Variants in SORCS1 observed in about 807,000 individuals in gnomAD.
SORCS1 encodes the protein VPS10 domain-containing receptor SorCS1.
A neutral mutation model predicts 146.1 loss-of-function variants in SORCS1; 60 were observed. That is an observed-to-expected ratio of 0.41 (90% CI 0.33 to 0.51). SORCS1 has a LOEUF of 0.51. SORCS1 is among the 20% of genes least tolerant of loss of function. The pLI, the probability that SORCS1 is intolerant of heterozygous loss-of-function variation, is 0.21. For missense variants in SORCS1, 1,352 were observed against 1,487.6 expected, an observed-to-expected ratio of 0.91 and a Z score of 1.50; for synonymous variants, 637 against 584.0, an observed-to-expected ratio of 1.09 and a Z score of -1.31.
At chr10:106,751,422 G>C (rs940481236) in intron 5 of SORCS1, among the ~76,000 whole-genome samples, 3 of 152,328 alleles carry the variant, frequency 2.0e-5, no homozygotes, top group Middle Eastern at 6.8e-3. Context: ...GGCTTTCTGA[G>C]TTCTTCTCCT....
chr10:107,023,567 C>A (rs1958249408), intron 1 of SORCS1, among the ~76,000 whole-genome samples: 1 of 152,032 alleles, frequency 6.6e-6, no homozygotes, highest in Non-Finnish European at 1.5e-5. Flanking sequence ...AACACAAATT[C>A]AAACTAATAA....
At chr10:107,173,952 A>G in the SORCS1 span, among the ~76,000 whole-genome samples, 2 of 152,184 alleles carry the variant, frequency 1.3e-5, no homozygotes, top group Admixed American at 6.5e-5. Flanking sequence ...ACATCATAAT[A>G]CATCATAAAA....
intron 1 of SORCS1, among the ~76,000 whole-genome samples, chr10:107,044,512 TAAAAAAAAAAA>T (rs59253149): frequency 4.1e-5 from 3 of 74,058 alleles, no homozygotes; most frequent in South Asian, 6.1e-4. Flanking sequence ...TTCTAATTTG[TAAAAAAAAAAA>T]AAAAAAAAAA....
At chr10:106,857,309 G>C (rs1949826147) in intron 2 of SORCS1, among the ~76,000 whole-genome samples, 1 of 152,166 alleles carries the variant, frequency 6.6e-6, no homozygotes, top group South Asian at 2.1e-4. Context: ...CCCACAGACG[G>C]AAGATGCCTT....
chr10:106,609,739 G>A (rs539597877), intron 22 of SORCS1, among the ~76,000 whole-genome samples: 4 of 152,310 alleles, frequency 2.6e-5, no homozygotes, highest in Non-Finnish European at 5.9e-5. Flanking sequence ...AAATCCTGAT[G>A]AGCAGTAATT....
intron 22 of SORCS1, among the ~76,000 whole-genome samples, chr10:106,610,902 C>A (rs10786959): frequency 0.69 from 105,358 of 151,956 alleles, 38,869 homozygotes; most frequent in Non-Finnish European, 0.82. Flanking sequence ...AACATGGTGA[C>A]ACCCGTCTCT....
chr10:106,737,391 A>C (rs2136074740), intron 5 of SORCS1, among the ~76,000 whole-genome samples: 1 of 151,484 alleles, frequency 6.6e-6, no homozygotes, highest in Middle Eastern at 3.4e-3. Flanking sequence ...TTATTTCCCC[A>C]CTTTTATGCC....
rs140239621 is a variant in SORCS1, at chr10:106,734,895, C to A, written c.960-4781G>T. ...TGGTATTAAAAAACTCTTGACCAGG[C>A]GTGGTGGCTCACACCTATAATCCGA... is the stretch of plus-strand genomic sequence containing the variant. On this transcript the variant is annotated intron_variant, in intron 5 of 25. Transcript: ENST00000263054. Among the ~76,000 whole-genome samples the A allele has an allele frequency of 5.9e-5, 9 of 152,126 alleles. No individual in the cohort carries two copies. In the East Asian group the frequency reaches 1.2e-3, roughly 20 times the overall value.
Position 107,164,567 on chromosome 10 carries a change from A to T in SORCS1, c.-41T>A. 1 of 1,314,148 alleles carries T rather than the reference A, an allele frequency of 7.6e-7. No homozygotes were observed. Among genetic ancestry groups the T allele is most frequent in the Non-Finnish European group, 9.7e-7 (1 of 1,035,346 alleles). 81.4% of individuals were successfully genotyped at this position (1,314,148 alleles called of 1,614,324 possible). Reference sequence around the variant, plus strand: ...CAGCGGAGAGAGGGGTCCCAGAACGAAGGTGGCGGCACGAGCTCTGCGCTG... The same window carrying T: ...CAGCGGAGAGAGGGGTCCCAGAACGTAGGTGGCGGCACGAGCTCTGCGCTG... On this transcript the variant is annotated 5_prime_UTR_variant, in exon 1 of 26. Coordinates refer to ENST00000263054, the MANE Select transcript of SORCS1 (RefSeq NM_052918.5). This position sits in a 1 kb window ranked among gnomAD's most constrained non-coding sequence, Gnocchi z 6.8.
intron 3 of SORCS1, among the ~76,000 whole-genome samples, chr10:106,801,886 A>G (rs1946920586): frequency 6.6e-6 from 1 of 152,200 alleles, no homozygotes; most frequent in African/African-American, 2.4e-5. Context: ...TTTCATGACT[A>G]GTCCAAGACC....
At chr10:106,828,679 A>C (rs57822973) in intron 3 of SORCS1, among the ~76,000 whole-genome samples, 3,453 of 152,334 alleles carry the variant, frequency 0.023, 125 homozygotes, top group African/African-American at 0.076. Context: ...ACTACTTAAC[A>C]ATCGTATGTC....
intron 2 of SORCS1, among the ~76,000 whole-genome samples, chr10:106,863,116 T>G (rs1391934569): frequency 6.6e-6 from 1 of 152,094 alleles, no homozygotes; most frequent in Non-Finnish European, 1.5e-5. Flanking sequence ...GGGCTACAAA[T>G]GTAAAAATCT....
chr10:106,697,469 A>C (rs1853794103), intron 9 of SORCS1, among the ~76,000 whole-genome samples: 1 of 138,150 alleles, frequency 7.2e-6, no homozygotes, highest in African/African-American at 2.6e-5. Flanking sequence ...ATAAATAAAT[A>C]AATAAATAAA....
chr10:107,118,957 A>G (rs1966217205), intron 1 of SORCS1, among the ~76,000 whole-genome samples: 1 of 152,140 alleles, frequency 6.6e-6, no homozygotes, highest in African/African-American at 2.4e-5. Context: ...GGACTCTTTA[A>G]CACTTGGGTC....
At chr10:106,624,414 G>A (rs1363713202) in intron 19 of SORCS1, among the ~76,000 whole-genome samples, 1 of 135,578 alleles carries the variant, frequency 7.4e-6, no homozygotes, top group African/African-American at 2.8e-5. Context: ...AGACTGGAGT[G>A]CAGTGGCACG....
In SORCS1 at chr10:107,060,751, C is replaced by T. The variant is rs17122016; in HGVS notation, c.558+103218G>A. ...ATATCTTTTTACATGAAAAAATGTA[C>T]TAAATGTGACTCATTTAGCACTTCC... On this transcript the variant is annotated intron_variant, in intron 1 of 25. Coordinates refer to ENST00000263054, the MANE Select transcript of SORCS1 (RefSeq NM_052918.5). This position sits in a 1 kb window ranked among gnomAD's most constrained non-coding sequence, Gnocchi z 4.1. Among the ~76,000 whole-genome samples the T allele has an allele frequency of 5.8e-3, 881 of 152,234 alleles. 6 individuals carry two copies. The highest frequency in any genetic ancestry group is 0.02 in the African/African-American group (837 of 41,544).
intron 1 of SORCS1, among the ~76,000 whole-genome samples, chr10:107,131,142 C>G (rs1292601784): frequency 6.6e-6 from 1 of 152,144 alleles, no homozygotes; most frequent in African/African-American, 2.4e-5. Context: ...AGTACCTGTC[C>G]TTAGTTCTGA....
At chr10:106,794,162 A>G (rs1358721456) in intron 3 of SORCS1, among the ~76,000 whole-genome samples, 1 of 152,150 alleles carries the variant, frequency 6.6e-6, no homozygotes, top group Non-Finnish European at 1.5e-5. Context: ...TTTTCCAACA[A>G]TGTCCAGATG....
In SORCS1 at chr10:106,753,518, C is replaced by T. The variant is rs563405864; in HGVS notation, c.959+8070G>A. Among the ~76,000 whole-genome samples, 9 of 152,058 alleles carry T rather than the reference C, an allele frequency of 5.9e-5. No homozygotes were observed. The South Asian group carries it at 1.2e-3, about 21-fold the overall frequency. On this transcript the variant is annotated intron_variant, in intron 5 of 25. Transcript: ENST00000263054. ...GCCTTGAGAATGAATGGTAATGATA[C>T]GAGTCAGAATCAGAGAGAGAGAGAG...
Sources: allele counts gnomAD v4.1 joint callset (sites outside exome capture counted in the v4.1 genomes callset), GRCh38; gene constraint gnomAD v4.1.1; non-coding constraint Gnocchi (gnomAD v3.1); transcripts MANE v1.5; gene names NCBI Gene and HGNC (gene_info 2026-07-23, HGNC 2026-07-21).